The following PREX1 variants were observed in gnomAD, a reference collection of about 807,000 sequenced individuals.
The protein encoded by PREX1 is phosphatidylinositol-3,4,5-trisphosphate dependent Rac exchange factor 1, also known as phosphatidylinositol 3,4,5-trisphosphate-dependent Rac exchanger 1 protein.
A neutral mutation model predicts 198.3 loss-of-function variants in PREX1; 41 were observed. That is an observed-to-expected ratio of 0.21 (90% CI 0.16 to 0.27). The LOEUF is 0.27. Among genes scored for constraint, PREX1 ranks in the 10% least tolerant of loss-of-function variants. The pLI, the probability that PREX1 is intolerant of heterozygous loss-of-function variation, is 1.00. For synonymous variants in PREX1, 843 were observed against 887.2 expected, an observed-to-expected ratio of 0.95 and a Z score of 0.89; for missense variants, 1,620 against 2,200.7, an observed-to-expected ratio of 0.74 and a Z score of 5.28.
intron 4 of PREX1, among the ~76,000 whole-genome samples, chr20:48,728,187 G>C (rs2090018068): frequency 6.6e-6 from 1 of 152,242 alleles, no homozygotes; most frequent in Non-Finnish European, 1.5e-5. Context: ...GCTGTGCACA[G>C]TTCCAAGCAC....
At chr20:48,687,870 G>A (rs2089794498) in intron 10 of PREX1, among the ~76,000 whole-genome samples, 1 of 152,154 alleles carries the variant, frequency 6.6e-6, no homozygotes. Context: ...ATAAAATGGG[G>A]CTGTATTTCC....
chr20:48,829,504 G>A (rs1236261465), upstream of PREX1, among the ~76,000 whole-genome samples: 1 of 152,196 alleles, frequency 6.6e-6, no homozygotes, highest in East Asian at 1.9e-4. Context: ...CATGGGCAAG[G>A]TAGCATTTGA....
intron 33 of PREX1, 133 bp downstream of exon 33, chr20:48,634,543 G>A: frequency 1.3e-6 from 1 of 757,944 alleles, no homozygotes. Context: ...CATGAGGTTT[G>A]ACAGCACTGA....
rs117927489 is a variant in PREX1 at position 48,736,223 on chromosome 20, C to A, written c.415-1573G>T. 2.3e-3 allele frequency among the ~76,000 whole-genome samples: 355 copies of A among 152,232 alleles called. 3 individuals are homozygous for A. The East Asian group carries it at 0.042, about 18-fold the overall frequency. ...TATTAACAACAAACATAAACACAAT[C>A]GACAAACATGGATCAATGGGGGAAA... On this transcript the variant is annotated intron_variant, in intron 3 of 39. Transcript: ENST00000371941.
chr20:48,696,069 C>T (rs1018247685), intron 7 of PREX1, among the ~76,000 whole-genome samples: 5 of 152,218 alleles, frequency 3.3e-5, no homozygotes, highest in Non-Finnish European at 7.3e-5. Flanking sequence ...TCTTTTCACT[C>T]TCCTTACAGT....
At chr20:48,679,124 G>A (rs908323410) in intron 13 of PREX1, among the ~76,000 whole-genome samples, 1 of 152,206 alleles carries the variant, frequency 6.6e-6, no homozygotes, top group Non-Finnish European at 1.5e-5. Flanking sequence ...CTAACTAGGA[G>A]GGAGGTTCAA....
intron 1 of PREX1, among the ~76,000 whole-genome samples, chr20:48,763,629 C>G (rs746768137): frequency 3.8e-4 from 58 of 152,282 alleles, no homozygotes; most frequent in Non-Finnish European, 7.2e-4. Context: ...AGCAGTCCCC[C>G]CTTAGCTGGT....
At chr20:48,881,217 G>T in the PREX1 span, among the ~76,000 whole-genome samples, 2 of 152,098 alleles carry the variant, frequency 1.3e-5, no homozygotes, top group African/African-American at 4.8e-5. Context: ...TTGTTGGACT[G>T]GGTGATGGAG....
Position 48,632,299 on chromosome 20 carries a change from G to C in PREX1, c.4504C>G (p.Gln1502Glu). 6.2e-7 allele frequency: 1 copy of C among 1,614,070 alleles called. No individual in the cohort carries two copies. The highest frequency in any genetic ancestry group is 8.5e-7 in the Non-Finnish European group (1 of 1,180,016). The change falls in exon 35 of 40, where the codon CAG becomes GAG. Residue 1502 changes from glutamine (Q) to glutamate (E), a missense_variant. Around this residue, in one of 7 missense-constraint regions of PREX1, gnomAD observed 476 missense variants for 603.4 expected, o/e 0.79. Coordinates refer to ENST00000371941, the MANE Select transcript of PREX1 (RefSeq NM_020820.4). Reference sequence around the variant, plus strand: ...TACCTGAGTTTGCGGTAATACTGCTGAACTTTCTCCAGGGACTGCGCGTTG... The same window carrying C: ...TACCTGAGTTTGCGGTAATACTGCTCAACTTTCTCCAGGGACTGCGCGTTG... Reference protein sequence around the residue: ...DINAQSLEKVQQYYRKLRAFY... With the variant: ...DINAQSLEKVEQYYRKLRAFY...
intron 14 of PREX1, among the ~76,000 whole-genome samples, chr20:48,672,279 T>A (rs1166266968): frequency 6.6e-6 from 1 of 152,228 alleles, no homozygotes; most frequent in Non-Finnish European, 1.5e-5. Context: ...TTTCTGTCTC[T>A]CACCTGCAAC....
chr20:48,679,932 G>A (rs529893847), intron 11 of PREX1, among the ~76,000 whole-genome samples, 178 bp from the exon 12 acceptor site: 1 of 152,192 alleles, frequency 6.6e-6, no homozygotes, highest in East Asian at 1.9e-4. Flanking sequence ...CACGAGGTGG[G>A]TGCTATGACT....
chr20:48,860,648 G>T, the PREX1 span, among the ~76,000 whole-genome samples: 1 of 152,098 alleles, frequency 6.6e-6, no homozygotes, highest in African/African-American at 2.4e-5. Flanking sequence ...AGACCATCCT[G>T]GCTAACATGG....
chr20:48,814,584 C>A (rs184964933), intron 1 of PREX1, among the ~76,000 whole-genome samples: 4 of 152,232 alleles, frequency 2.6e-5, no homozygotes, highest in Non-Finnish European at 4.4e-5. Context: ...GGGGCCTGGA[C>A]AGAATGAACA....
At chr20:48,802,600 T>A (rs1226217498) in intron 1 of PREX1, among the ~76,000 whole-genome samples, 1 of 152,200 alleles carries the variant, frequency 6.6e-6, no homozygotes, top group Admixed American at 6.5e-5. Flanking sequence ...ATAGCACTTG[T>A]CACTTACAAG....
In PREX1 at chr20:48,700,866, G is replaced by T; in HGVS notation, c.804C>A (p.Ile268=). ...TCCCTTGCAGGAGGAGCTGAGTGCA[G>T]ATGTCTGTGAGGTTGGAACCCTGGA... is the stretch of plus-strand genomic sequence containing the variant. The part of the protein sequence containing the change: ...EGWEGSNLTD[I]CTQLLLQGTL... Residue 268 remains isoleucine, a synonymous_variant, in exon 7 of 40, where the codon ATC becomes ATA. Transcript: ENST00000371941. The T allele has an allele frequency of 1.2e-6, 2 of 1,614,198 alleles. No homozygotes were observed. The highest frequency in any genetic ancestry group is 1.7e-6 in the Non-Finnish European group (2 of 1,180,030).
intron 5 of PREX1, among the ~76,000 whole-genome samples, chr20:48,708,778 G>A (rs541042419): frequency 4.6e-5 from 7 of 152,262 alleles, no homozygotes; most frequent in South Asian, 2.1e-4. Context: ...ACCGTGGTGC[G>A]AAGGGTCTGA....
intron 21 of PREX1, 146 bp from the exon 22 acceptor site, chr20:48,651,729 G>C (rs2122900382): frequency 1.3e-6 from 1 of 751,938 alleles, no homozygotes; most frequent in East Asian, 2.7e-5. Context: ...CCAGAGTAGA[G>C]AGGCGAGTGG....
intron 5 of PREX1, among the ~76,000 whole-genome samples, chr20:48,722,129 T>TA (rs780196802): frequency 2.0e-5 from 3 of 152,176 alleles, no homozygotes; most frequent in Non-Finnish European, 2.9e-5. Flanking sequence ...TTTAAGGCCA[T>TA]GGGAATGTCC....
At chr20:48,841,027 T>A in the PREX1 span, among the ~76,000 whole-genome samples, 6 of 151,920 alleles carry the variant, frequency 3.9e-5, no homozygotes, top group South Asian at 1.2e-3. Flanking sequence ...CTCGAACTCC[T>A]AGGCTCAAGC....
Sources: gnomAD v4.1 joint callset for allele counts (sites outside exome capture counted in the v4.1 genomes callset) on GRCh38, gnomAD v4.1.1 for gene constraint, gnomAD v4.1.1 regional missense constraint, MANE v1.5 for transcripts, NCBI Gene and HGNC (gene_info 2026-07-23, HGNC 2026-07-21) for gene names.